NDRG4: variants seen among roughly 807,000 people sequenced by gnomAD.
NDRG4 encodes protein NDRG4.
A neutral mutation model predicts 55.8 loss-of-function variants in NDRG4; 38 were observed. That is an observed-to-expected ratio of 0.68 (90% CI 0.53 to 0.89). NDRG4 has a LOEUF of 0.89. Among genes scored for constraint, NDRG4 ranks in the 40% least tolerant of loss-of-function variants. The probability of loss-of-function intolerance (pLI) is 0.00; values close to 1 mark genes in which losing one functional copy is unlikely to be tolerated. For missense variants in NDRG4, 455 were observed against 468.6 expected (o/e 0.97, Z 0.27); for synonymous variants, 190 against 182.7 (o/e 1.04, Z -0.32).
In NDRG4 at chr16:58,504,172, C is replaced by G. The variant is rs1376630281; in HGVS notation, c.146C>G (p.Thr49Ser). 4 of 1,614,216 alleles carry G rather than the reference C, an allele frequency of 2.5e-6. No homozygotes were observed. Among genetic ancestry groups the G allele is most frequent in the Admixed American group, 1.7e-5 (1 of 60,028 alleles). Residue 49 changes from threonine to serine, a missense_variant, in exon 3 of 15, where the codon ACC becomes AGC. Coordinates refer to ENST00000570248, the MANE Select transcript of NDRG4 (RefSeq NM_001242835.2). Reference protein sequence around the residue: ...VGLNHKLCFNTFFNFEDMQEI... With the variant: ...VGLNHKLCFNSFFNFEDMQEI... The stretch of plus-strand genomic sequence containing the variant: ...TTTGCAGACAAACTATGCTTCAACA[C>G]CTTCTTCAACTTCGAGGACATGCAG...
intron 1 of NDRG4, among the ~76,000 whole-genome samples, chr16:58,466,216 A>G (rs1404677962): frequency 6.6e-6 from 1 of 152,126 alleles, no homozygotes; most frequent in Non-Finnish European, 1.5e-5. Context: ...GGGTTTCGCC[A>G]TGTTGGCCAG....
upstream of NDRG4, chr16:58,499,956 A>C (rs2036859152): frequency 1.8e-6 from 1 of 569,956 alleles, no homozygotes; most frequent in Non-Finnish European, 3.0e-6. Flanking sequence ...GGGTGGGAGG[A>C]GCAGTGACAG....
intron 1 of NDRG4, among the ~76,000 whole-genome samples, chr16:58,471,498 A>G (rs2032817217): frequency 1.3e-5 from 2 of 151,988 alleles, no homozygotes; most frequent in South Asian, 4.2e-4. Context: ...GAGCACCATG[A>G]CACTGTTATA....
chr16:58,510,768 G>A (rs1360334887), intron 14 of NDRG4, 85 bp downstream of exon 14: 97 of 1,274,948 alleles, frequency 7.6e-5, no homozygotes, highest in Non-Finnish European at 9.7e-5. Context: ...GCTGCAGCCA[G>A]GCCGCATCTT....
chr16:58,479,311 A>G (rs2034116398), intron 1 of NDRG4, among the ~76,000 whole-genome samples: 2 of 152,280 alleles, frequency 1.3e-5, no homozygotes, highest in African/African-American at 2.4e-5. Flanking sequence ...TAATGGCTGC[A>G]TGGTACTCCA....
chr16:58,473,439 C>T (rs1004559712), intron 1 of NDRG4, among the ~76,000 whole-genome samples: 10 of 152,314 alleles, frequency 6.6e-5, no homozygotes, highest in African/African-American at 2.4e-4. Flanking sequence ...GCTGGGATTA[C>T]AGGCCTGAGC....
intron 2 of NDRG4, among the ~76,000 whole-genome samples, chr16:58,488,139 C>T (rs2035339950): frequency 1.3e-5 from 2 of 152,238 alleles, no homozygotes; most frequent in African/African-American, 2.4e-5. Context: ...TGGCCAAGGT[C>T]ACACAGCTAG....
chr16:58,508,095 G>A, intron 10 of NDRG4, 96 bp downstream of exon 10: 3 of 1,233,390 alleles, frequency 2.4e-6, no homozygotes, highest in Non-Finnish European at 3.4e-6. Flanking sequence ...TCCAGCCCAG[G>A]GGAGCCTCCA....
In NDRG4 at chr16:58,506,590, G is replaced by C; in HGVS notation, c.492G>C (p.Thr164=). The C allele has an allele frequency of 6.4e-7, 1 of 1,570,494 alleles. No individual in the cohort carries two copies. Among genetic ancestry groups the C allele is most frequent in the Non-Finnish European group, 8.6e-7 (1 of 1,161,170 alleles). ...GCCTAACTAGCACTTTACCCGACAC[G>C]GTGCTCTCCCACCTCTTCAGCCAGG... is the stretch of plus-strand genomic sequence containing the variant. The part of the protein sequence containing the change: ...LSGLTSTLPD[T]VLSHLFSQEE... The change falls in exon 7 of 15, where the codon ACG becomes ACC. Residue 164 remains threonine, a synonymous_variant. Coordinates refer to ENST00000570248, the MANE Select transcript of NDRG4 (RefSeq NM_001242835.2).
chr16:58,472,069 G>C (rs532552531), intron 1 of NDRG4: 1 of 152,364 alleles, frequency 6.6e-6, no homozygotes, highest in East Asian at 1.9e-4. Flanking sequence ...TGCTGTTGGG[G>C]CCTGGGCTCT....
At chr16:58,503,224 G>A (rs1273729478) in intron 1 of NDRG4, among the ~76,000 whole-genome samples, 1 of 152,206 alleles carries the variant, frequency 6.6e-6, no homozygotes, top group Non-Finnish European at 1.5e-5. Context: ...GGGCCTGCCT[G>A]AAGGGAGCCC....
At chr16:58,466,738 A>G (rs968141339) in intron 1 of NDRG4, among the ~76,000 whole-genome samples, 5 of 152,090 alleles carry the variant, frequency 3.3e-5, no homozygotes, top group African/African-American at 9.7e-5. Context: ...TCTAACTCCA[A>G]CCCCATCAGT....
rs2039011576 is a variant in NDRG4 at position 58,513,543 on chromosome 16, T to G, written c.*1967T>G. The G allele has an allele frequency of 1.3e-5, 2 of 152,178 alleles. No individual in the cohort carries two copies. Among genetic ancestry groups the G allele is most frequent in the Non-Finnish European group, 2.9e-5 (2 of 68,036 alleles). 9.4% of individuals were successfully genotyped at this position (152,178 alleles called of 1,614,324 possible). A position where few individuals can be genotyped will look rare whatever the true frequency, so the allele number is the denominator to read the frequency against. On this transcript the variant is annotated 3_prime_UTR_variant, in exon 15 of 15. Coordinates refer to ENST00000570248, the MANE Select transcript of NDRG4 (RefSeq NM_001242835.2). The stretch of plus-strand genomic sequence containing the variant: ...AGGAGAGGATGGTCTCCACCCATCT[T>G]TCTATTTCCAGTACACGTCACATTA...
chr16:58,497,327 AAAG>A (rs1184936837), upstream of NDRG4, among the ~76,000 whole-genome samples: 41 of 152,300 alleles, frequency 2.7e-4, no homozygotes, highest in Non-Finnish European at 3.2e-4. Flanking sequence ...GTCTCCAAAA[AAAG>A]AAGAAGAAGA....
At chr16:58,490,267 G>A (rs548684771) in intron 2 of NDRG4, among the ~76,000 whole-genome samples, 4 of 152,216 alleles carry the variant, frequency 2.6e-5, no homozygotes, top group East Asian at 3.9e-4. Context: ...CGGGACAGCC[G>A]CACGGAGGTG....
chr16:58,504,765 C>A, intron 5 of NDRG4, 116 bp downstream of exon 5: 1 of 948,524 alleles, frequency 1.1e-6, no homozygotes, highest in Non-Finnish European at 1.7e-6. Context: ...TCTCGCTTCT[C>A]CTCCTCCCAC....
rs906008307 is a variant in NDRG4, at chr16:58,487,518, T to TA, written c.-23-224dup. Among the ~76,000 whole-genome samples the TA allele has an allele frequency of 4.1e-3, 615 of 148,484 alleles. 4 individuals are homozygous for TA. The highest frequency in any genetic ancestry group is 0.012 in the African/African-American group (469 of 40,214). On this transcript the variant is annotated intron_variant, in intron 1 of 15. Coordinates refer to the NDRG4 transcript ENST00000258187. ...CTGGGTGACAGAGTGAGACTCCGTG[T>TA]AAAAAAAAAAAAAAGAAAAACGGAA... is the stretch of plus-strand genomic sequence containing the variant.
chr16:58,511,770 C>T lies in NDRG4; in HGVS notation c.*194C>T. On this transcript the variant is annotated 3_prime_UTR_variant, in exon 15 of 15. Coordinates refer to ENST00000570248, the MANE Select transcript of NDRG4 (RefSeq NM_001242835.2). ...TTAAGGGGCTCAGTCCTCCTCATCC[C>T]ATCTCACTCTCCGTGGTAACTTAGC... is the stretch of plus-strand genomic sequence containing the variant. 4.2e-6 allele frequency: 3 copies of T among 709,880 alleles called. No homozygotes were observed. The highest frequency in any genetic ancestry group is 7.3e-6 in the Non-Finnish European group (3 of 408,598). 44.0% of individuals were successfully genotyped at this position (709,880 alleles called of 1,614,324 possible). A position where few individuals can be genotyped will look rare whatever the true frequency, so the allele number is the denominator to read the frequency against.
intron 2 of NDRG4, among the ~76,000 whole-genome samples, chr16:58,488,192 G>A (rs2035345959): frequency 6.6e-6 from 1 of 152,236 alleles, no homozygotes; most frequent in South Asian, 2.1e-4. Flanking sequence ...GGACAGCCCA[G>A]GAGCCCCAAG....
Sources: allele counts gnomAD v4.1 joint callset (sites outside exome capture counted in the v4.1 genomes callset), GRCh38; gene constraint gnomAD v4.1.1; transcripts MANE v1.5; gene names NCBI Gene and HGNC (gene_info 2026-07-23, HGNC 2026-07-21).